The following PRKCH variants were observed in gnomAD, a reference collection of about 807,000 sequenced individuals.
The protein encoded by PRKCH is protein kinase C eta type.
PRKCH carries 28 observed loss-of-function variants against 82.5 expected under a neutral mutation model. The ratio of observed to expected loss-of-function variants is 0.34; its 90% CI spans 0.25 to 0.47. The LOEUF is 0.47. Among genes scored for constraint, PRKCH ranks in the 20% least tolerant of loss-of-function variants. The probability of loss-of-function intolerance (pLI) is 1.00; values close to 1 mark genes in which losing one functional copy is unlikely to be tolerated. For synonymous variants in PRKCH, 322 were observed against 327.4 expected, an observed-to-expected ratio of 0.98 and a Z score of 0.18; for missense variants, 705 against 881.8, an observed-to-expected ratio of 0.80 and a Z score of 2.54.
intron 2 of PRKCH, among the ~76,000 whole-genome samples, chr14:61,413,272 A>G (rs1412335459): frequency 6.6e-6 from 1 of 151,350 alleles, no homozygotes; most frequent in South Asian, 2.1e-4. Context: ...GTTCTGTTTC[A>G]TGTTCTCCCT....
chr14:61,368,603 T>A (rs1445282927), intron 1 of PRKCH, among the ~76,000 whole-genome samples: 1 of 152,130 alleles, frequency 6.6e-6, no homozygotes, highest in Non-Finnish European at 1.5e-5. Context: ...TGTAGATATT[T>A]CCCATCAGTG....
intron 2 of PRKCH, among the ~76,000 whole-genome samples, chr14:61,392,129 A>G (rs1268554356): frequency 6.6e-6 from 1 of 151,816 alleles, no homozygotes; most frequent in East Asian, 1.9e-4. Context: ...CATTATATAA[A>G]TGTAGCATCC....
At chr14:61,298,289 T>C (rs953672559) in intron 1 of PRKCH, 3 of 152,298 alleles carry the variant, frequency 2.0e-5, no homozygotes, top group African/African-American at 7.2e-5. Flanking sequence ...CTTGGATGTC[T>C]TCAGGCACTT....
intron 2 of PRKCH, among the ~76,000 whole-genome samples, chr14:61,410,855 G>T (rs554594126): frequency 5.6e-4 from 86 of 152,324 alleles, no homozygotes; most frequent in Admixed American, 1.2e-3. Flanking sequence ...ACACTGACCA[G>T]TGTGCCTGGC....
intron 2 of PRKCH, among the ~76,000 whole-genome samples, chr14:61,416,027 G>T (rs1882528666): frequency 6.9e-6 from 1 of 145,488 alleles, no homozygotes; most frequent in South Asian, 2.2e-4. Flanking sequence ...CCCCTCCCTT[G>T]CCTCTTTTTT....
rs1052420556 is a variant in PRKCH, at chr14:61,550,853, A to G, written c.*1022A>G. 1 of 152,224 alleles carries G rather than the reference A, an allele frequency of 6.6e-6. No individual in the cohort carries two copies. The highest frequency in any genetic ancestry group is 1.5e-5 in the Non-Finnish European group (1 of 68,034). The allele number at this position is 152,224 out of a possible 1,614,324, so 9.4% of individuals were successfully genotyped here. A position where few individuals can be genotyped will look rare whatever the true frequency, so the allele number is the denominator to read the frequency against. ...ATGCAAAGATGTGTGTTTGATATTC[A>G]CTTTAATAATTAGAAATGGATCTTG... is the stretch of plus-strand genomic sequence containing the variant. On this transcript the variant is annotated 3_prime_UTR_variant, in exon 14 of 14. Coordinates refer to ENST00000332981, the MANE Select transcript of PRKCH (RefSeq NM_006255.5).
rs4902036 is a variant in PRKCH at position 61,234,065 on chromosome 14, C to T, written c.-19+46397C>T. Among the ~76,000 whole-genome samples, 862 of 152,342 alleles carry T rather than the reference C, an allele frequency of 5.7e-3. 9 individuals carry two copies. The highest frequency in any genetic ancestry group is 0.013 in the Admixed American group (202 of 15,300). On this transcript the variant is annotated intron_variant, in intron 1 of 3. Coordinates refer to the PRKCH transcript ENST00000555185. ...CCTAGCAAATACCTCTCCCTCAATC[C>T]ACTCCTATTTAGATAAGGTAATATT...
chr14:61,339,025 G>C (rs114145459), intron 1 of PRKCH, among the ~76,000 whole-genome samples: 3 of 152,060 alleles, frequency 2.0e-5, no homozygotes, highest in Non-Finnish European at 4.4e-5. Context: ...ACGTTAAAAG[G>C]AAGAAACTGT....
intron 1 of PRKCH, among the ~76,000 whole-genome samples, chr14:61,265,883 T>C (rs2045095212): frequency 1.3e-5 from 2 of 151,872 alleles, no homozygotes; most frequent in South Asian, 4.2e-4. Context: ...TCACTAGAGG[T>C]GAGGAGTTCG....
chr14:61,421,986 A>G (rs993810123), intron 2 of PRKCH, among the ~76,000 whole-genome samples: 5 of 152,204 alleles, frequency 3.3e-5, no homozygotes, highest in African/African-American at 1.2e-4. Context: ...CTAGACAGGG[A>G]TGGATGAGTG....
In PRKCH at chr14:61,227,375, C is replaced by T. The variant is rs8015734; in HGVS notation, c.-19+39707C>T. On this transcript the variant is annotated intron_variant, in intron 1 of 3. Transcript: ENST00000555185. ...TTTGGGAGGCCAAGGCAGGGGATCA[C>T]GAGGTCAGGAGATCGGGACCATCCT... 5.9e-3 allele frequency among the ~76,000 whole-genome samples: 898 copies of T among 152,250 alleles called. 4 individuals are homozygous for T. Among genetic ancestry groups the T allele is most frequent in the African/African-American group, 0.021 (855 of 41,558 alleles).
chr14:61,450,736 C>T, intron 5 of PRKCH, 106 bp from the exon 6 acceptor site: 2 of 1,325,274 alleles, frequency 1.5e-6, no homozygotes, highest in Non-Finnish European at 2.1e-6. Flanking sequence ...ATACCTAGCT[C>T]AGGTGTCATA....
intron 1 of PRKCH, among the ~76,000 whole-genome samples, chr14:61,189,163 G>A (rs1301797998): frequency 1.3e-5 from 2 of 152,240 alleles, no homozygotes; most frequent in South Asian, 2.1e-4. Flanking sequence ...GCCCCCGCGA[G>A]GCCCGGGCAG....
chr14:61,424,380 T>C (rs1412286449), intron 2 of PRKCH, among the ~76,000 whole-genome samples: 1 of 152,204 alleles, frequency 6.6e-6, no homozygotes, highest in Admixed American at 6.5e-5. Flanking sequence ...TAGAGACTTA[T>C]TGAATGGCTT....
chr14:61,414,557 G>A lies in PRKCH; in HGVS notation c.427+23269G>A, dbSNP rs549628196. ...CAAAGTGCTAGGATTACAGGCATGA[G>A]CCACTGTGCCCGGCATGGGCTTCAT... On this transcript the variant is annotated intron_variant, in intron 2 of 13. Transcript: ENST00000332981. Among the ~76,000 whole-genome samples the A allele has an allele frequency of 4.0e-5, 6 of 150,994 alleles. No individual in the cohort carries two copies. In the South Asian group the frequency reaches 1.3e-3, roughly 32 times the overall value.
intron 3 of PRKCH, 124 bp from the exon 4 acceptor site, chr14:61,445,568 T>C: frequency 1.1e-6 from 1 of 869,734 alleles, no homozygotes; most frequent in Non-Finnish European, 1.9e-6. Flanking sequence ...CACATGATCT[T>C]TGCTTCTTCC....
chr14:61,485,937 T>G (rs1296108693), intron 10 of PRKCH, among the ~76,000 whole-genome samples: 2 of 152,182 alleles, frequency 1.3e-5, no homozygotes, highest in Non-Finnish European at 2.9e-5. Flanking sequence ...AATTTTTATT[T>G]TTTATTTTTT....
chr14:61,474,708 TA>T (rs900598847), intron 9 of PRKCH, among the ~76,000 whole-genome samples: 25 of 152,260 alleles, frequency 1.6e-4, no homozygotes, highest in African/African-American at 6.0e-4. Context: ...AGTATAATTT[TA>T]AAAAAATTTT....
intron 1 of PRKCH, among the ~76,000 whole-genome samples, chr14:61,223,248 A>C (rs1256718270): frequency 1.3e-5 from 2 of 152,252 alleles, no homozygotes; most frequent in Admixed American, 1.3e-4. Context: ...GACTTCACAC[A>C]GAAAGAAAAG....
Sources: allele counts gnomAD v4.1 joint callset (sites outside exome capture counted in the v4.1 genomes callset), GRCh38; gene constraint gnomAD v4.1.1; transcripts MANE v1.5; gene names NCBI Gene and HGNC (gene_info 2026-07-23, HGNC 2026-07-21).